Variants in PRH1 observed in about 807,000 individuals in gnomAD.
PRH1 encodes salivary acidic proline-rich phosphoprotein 1/2.
In PRH1, 7 loss-of-function variants were observed where a neutral mutation model predicts 7.9. That is an observed-to-expected ratio of 0.89 (90% CI 0.50 to 1.67). PRH1 has a LOEUF of 1.67. PRH1 is among the 40% of genes most tolerant of loss of function. The pLI, the probability that PRH1 is intolerant of heterozygous loss-of-function variation, is 0.00. For synonymous variants in PRH1, 45 were observed against 80.8 expected (o/e 0.56, Z 2.38); for missense variants, 109 against 223.6 (o/e 0.49, Z 3.27).
intron 1 of PRH1, among the ~76,000 whole-genome samples, chr12:11,142,345 C>G (rs902657165): frequency 2.0e-5 from 3 of 152,126 alleles, no homozygotes; most frequent in African/African-American, 7.2e-5. Flanking sequence ...TGGAAAACCA[C>G]TCCTAAAATA....
At chr12:10,908,374 A>T (rs551714959) in intron 2 of PRH1, 2 of 1,600,444 alleles carry the variant, frequency 1.2e-6, no homozygotes, top group East Asian at 4.5e-5. Flanking sequence ...TGGCTTATGA[A>T]ATTGTGAGTT....
intron 2 of PRH1, among the ~76,000 whole-genome samples, chr12:10,910,397 G>A (rs10772386): frequency 0.49 from 74,730 of 152,090 alleles, 20,800 homozygotes; most frequent in East Asian, 0.72. Flanking sequence ...TGAGGCGGGA[G>A]GACCGCTCGA....
intron 1 of PRH1, among the ~76,000 whole-genome samples, chr12:11,064,069 A>C (rs1943713113): frequency 6.6e-6 from 1 of 152,104 alleles, no homozygotes; most frequent in African/African-American, 2.4e-5. Context: ...CAGGCAAGAC[A>C]AGGAACACCA....
intron 1 of PRH1, among the ~76,000 whole-genome samples, chr12:11,020,387 TA>T (rs1490658701): frequency 4.2e-3 from 614 of 147,258 alleles, no homozygotes; most frequent in Middle Eastern, 0.014. Flanking sequence ...TATATATATA[TA>T]TATGTCTATA....
intron 1 of PRH1, among the ~76,000 whole-genome samples, chr12:11,134,834 G>A (rs937752927): frequency 4.6e-5 from 7 of 152,094 alleles, no homozygotes; most frequent in African/African-American, 1.7e-4. Context: ...CCACAGGCAG[G>A]CCAATACTCC....
At chr12:10,898,490 T>A (rs1400454386) in intron 2 of PRH1, among the ~76,000 whole-genome samples, 6 of 152,230 alleles carry the variant, frequency 3.9e-5, no homozygotes, top group African/African-American at 2.4e-5. Flanking sequence ...TTATTTGTCT[T>A]ATTGAATATC....
intron 1 of PRH1, among the ~76,000 whole-genome samples, chr12:11,110,816 A>C (rs957222574): frequency 2.0e-5 from 3 of 152,222 alleles, no homozygotes; most frequent in Admixed American, 1.3e-4. Flanking sequence ...ATTAACCTTA[A>C]ATGTAAATGG....
At chr12:11,061,580 C>G in intron 1 of PRH1, 1 of 1,614,076 alleles carries the variant, frequency 6.2e-7, no homozygotes. Context: ...AAGTAAATGG[C>G]ACATAACAAG....
chr12:10,963,006 G>A (rs142740639), intron 2 of PRH1, among the ~76,000 whole-genome samples: 16 of 152,266 alleles, frequency 1.1e-4, no homozygotes, highest in Admixed American at 5.2e-4. Flanking sequence ...TCCTGACCTC[G>A]TGATCCGCCC....
chr12:10,897,382 T>C (rs977139743), intron 2 of PRH1, among the ~76,000 whole-genome samples: 2 of 145,514 alleles, frequency 1.4e-5, no homozygotes, highest in Non-Finnish European at 3.1e-5. Context: ...GTTCAGCCCC[T>C]GGTCACTTGA....
chr12:11,026,637 G>A (rs1490303473), intron 1 of PRH1, among the ~76,000 whole-genome samples: 2 of 151,962 alleles, frequency 1.3e-5, no homozygotes, highest in Admixed American at 6.6e-5. Flanking sequence ...TACAGGGGAT[G>A]GTAGTCCTTT....
At chr12:11,048,809 C>A (rs1943018458), upstream of PRH1, 2 of 295,180 alleles carry the variant, frequency 6.8e-6, no homozygotes, top group East Asian at 1.6e-4. Context: ...ACACTCTCAC[C>A]CGTGGTTATC....
chr12:10,974,932 G>A (rs1055556442), intron 1 of PRH1, among the ~76,000 whole-genome samples: 5 of 152,172 alleles, frequency 3.3e-5, no homozygotes, highest in East Asian at 1.9e-4. Context: ...AATACAAAAC[G>A]GTTATTTTAA....
intron 2 of PRH1, among the ~76,000 whole-genome samples, chr12:10,943,087 C>T (rs1344986699): frequency 6.6e-6 from 1 of 152,210 alleles, no homozygotes; most frequent in Non-Finnish European, 1.5e-5. Flanking sequence ...AGCCCACTTT[C>T]TTCAGAAAAC....
At chr12:11,163,866 T>C (rs1947490300) in intron 1 of PRH1, among the ~76,000 whole-genome samples, 1 of 152,144 alleles carries the variant, frequency 6.6e-6, no homozygotes, top group Non-Finnish European at 1.5e-5. Context: ...AAAAAGAAGC[T>C]GGAATAACAT....
At chr12:10,954,300 A>G (rs1425857645) in intron 2 of PRH1, among the ~76,000 whole-genome samples, 3 of 152,056 alleles carry the variant, frequency 2.0e-5, no homozygotes, top group Admixed American at 2.0e-4. Context: ...CACCCCAACT[A>G]AAAGGCACAT....
chr12:11,154,253 T>TA (rs1372541822), intron 1 of PRH1, among the ~76,000 whole-genome samples: 1 of 152,144 alleles, frequency 6.6e-6, no homozygotes, highest in Non-Finnish European at 1.5e-5. Context: ...TGAAATACAT[T>TA]AAAAGAGAAT....
intron 1 of PRH1, among the ~76,000 whole-genome samples, chr12:11,087,757 C>CAGA (rs1944754375): frequency 9.3e-6 from 1 of 107,320 alleles, no homozygotes; most frequent in African/African-American, 3.0e-5. Context: ...TCTACCAAAA[C>CAGA]CAGATGGATT....
At chr12:11,022,288 C>G (rs778787132) in intron 1 of PRH1, 1 of 1,614,208 alleles carries the variant, frequency 6.2e-7, no homozygotes, top group Non-Finnish European at 8.5e-7. Context: ...AAGCCACATG[C>G]TGAAATGGTT....
Sources: allele counts gnomAD v4.1 joint callset (sites outside exome capture counted in the v4.1 genomes callset), GRCh38; gene constraint gnomAD v4.1.1; transcripts MANE v1.5; gene names NCBI Gene and HGNC (gene_info 2026-07-23, HGNC 2026-07-21).